Variants in PKHD1L1 observed in about 807,000 individuals in gnomAD.
PKHD1L1 encodes the protein PKHD1 like 1.
A neutral mutation model predicts 462.9 loss-of-function variants in PKHD1L1; 434 were observed. The ratio of observed to expected loss-of-function variants is 0.94; its 90% confidence interval spans 0.87 to 1.02. PKHD1L1 has a LOEUF of 1.02. Ranked by LOEUF, PKHD1L1 falls within the 50% of genes least tolerant of loss-of-function variation. PKHD1L1 has a pLI of 0.00. For missense variants in PKHD1L1, 5,202 were observed against 5,096.1 expected (o/e 1.02, Z -0.63); for synonymous variants, 1,781 against 1,750.0 (o/e 1.02, Z -0.44).
Position 109,466,726 on chromosome 8 carries a change from A to G in PKHD1L1, c.8562A>G (p.Pro2854=), listed in dbSNP as rs1204860472. ...GTTTAGCGTTCAACCAGCCTTCTCC[A>G]GTATCTCTGCTTGAAAAGGATGTGG... is the stretch of plus-strand genomic sequence containing the variant. ...FHRLAFNQPS[P]VSLLEKDVVL... Residue 2854 remains proline (P), a synonymous_variant, in exon 50 of 78, where the codon CCA becomes CCG. Transcript: ENST00000378402. The G allele has an allele frequency of 6.2e-7, 1 of 1,612,918 alleles. No individual in the cohort carries two copies. Among genetic ancestry groups the G allele is most frequent in the Non-Finnish European group, 8.5e-7 (1 of 1,179,486 alleles).
chr8:109,496,423 C>A (rs1010529698), intron 63 of PKHD1L1, among the ~76,000 whole-genome samples: 3 of 152,192 alleles, frequency 2.0e-5, no homozygotes, highest in African/African-American at 4.8e-5. Context: ...AAGCATTTCA[C>A]AGACAGTAAG....
intron 48 of PKHD1L1, among the ~76,000 whole-genome samples, chr8:109,462,215 A>G (rs772584505): frequency 3.9e-5 from 6 of 152,058 alleles, no homozygotes; most frequent in Non-Finnish European, 8.8e-5. Context: ...TCCCACCTGG[A>G]CTGCTGTGAT....
intron 21 of PKHD1L1, among the ~76,000 whole-genome samples, chr8:109,415,643 T>G (rs1814110317): frequency 1.3e-5 from 2 of 151,528 alleles, no homozygotes; most frequent in South Asian, 4.2e-4. Flanking sequence ...TGATCTTAAT[T>G]TAAAAAAAGG....
chr8:109,391,979 A>G (rs556296044), intron 9 of PKHD1L1, among the ~76,000 whole-genome samples: 35 of 152,332 alleles, frequency 2.3e-4, no homozygotes, highest in Non-Finnish European at 4.7e-4. Context: ...ATCAGAGTGG[A>G]AGATATATAA....
chr8:109,443,922 C>A lies in PKHD1L1; in HGVS notation c.4791+20C>A, dbSNP rs945093357. On this transcript the variant is annotated intron_variant, in intron 37 of 77. Transcript: ENST00000378402. ...AATAAGGTAAGAATATAAATACCTC[C>A]TTTGTACTTCTATTATATGTTCCCA... is the stretch of plus-strand genomic sequence containing the variant. The A allele has an allele frequency of 6.6e-7, 1 of 1,525,098 alleles. No homozygotes were observed. Among genetic ancestry groups the A allele is most frequent in the East Asian group, 2.3e-5 (1 of 44,346 alleles). The allele number at this position is 1,525,098 out of a possible 1,614,324, so 94.5% of individuals were successfully genotyped here. A position where few individuals can be genotyped will look rare whatever the true frequency, so the allele number is the denominator to read the frequency against.
intron 4 of PKHD1L1, among the ~76,000 whole-genome samples, chr8:109,383,433 T>A (rs1225785483): frequency 8.9e-5 from 11 of 123,152 alleles, no homozygotes; most frequent in African/African-American, 3.4e-4. Flanking sequence ...TAATATATAA[T>A]ATATAAATAT....
intron 13 of PKHD1L1, among the ~76,000 whole-genome samples, chr8:109,400,769 TAA>T (rs1296965722): frequency 1.3e-5 from 2 of 152,126 alleles, no homozygotes; most frequent in African/African-American, 4.8e-5. Flanking sequence ...TCCCTACTGA[TAA>T]GTTTTTATTT....
chr8:109,521,158 G>A (rs576108886), intron 73 of PKHD1L1, among the ~76,000 whole-genome samples: 1 of 152,174 alleles, frequency 6.6e-6, no homozygotes, highest in Non-Finnish European at 1.5e-5. Flanking sequence ...GCTTAGGACT[G>A]TGGGGTTCAT....
intron 49 of PKHD1L1, 53 bp downstream of exon 49, chr8:109,465,298 T>C (rs1817379764): frequency 6.5e-7 from 1 of 1,543,296 alleles, no homozygotes. Context: ...ATGTTTGTGT[T>C]AGCACAGAAT....
chr8:109,447,074 T>C (rs924351395), intron 38 of PKHD1L1, among the ~76,000 whole-genome samples: 16 of 151,980 alleles, frequency 1.1e-4, no homozygotes. Context: ...ATACAAAAAA[T>C]TAGCCAGGCA....
intron 45 of PKHD1L1, 83 bp from the exon 46 acceptor site, chr8:109,456,179 T>C: frequency 7.1e-7 from 1 of 1,410,348 alleles, no homozygotes; most frequent in African/African-American, 1.4e-5. Context: ...TGATTCAATT[T>C]AGGAAAAGAT....
At position 109,409,933 on chromosome 8, in the gene PKHD1L1, A is replaced by T; in HGVS notation, c.2040A>T (p.Gly680=). Residue 680 remains glycine, a synonymous_variant, in exon 19 of 78, where the codon GGA becomes GGT. Coordinates refer to ENST00000378402, the MANE Select transcript of PKHD1L1 (RefSeq NM_177531.6). ...CACAAATTGCAAATTTTGAAGAAGGATTTGTTGTGAAATATTTCAGAGACT... is the reference window on the plus strand; with the variant it reads ...CACAAATTGCAAATTTTGAAGAAGGTTTTGTTGTGAAATATTTCAGAGACT... ...CPPQIANFEE[G]FVVKYFRDYE... 1 of 1,606,564 alleles carries T rather than the reference A, an allele frequency of 6.2e-7. No individual in the cohort carries two copies. The highest frequency in any genetic ancestry group is 8.5e-7 in the Non-Finnish European group (1 of 1,176,596).
chr8:109,459,580 TCAAAA>T lies in PKHD1L1; in HGVS notation c.7005-14_7005-10del, dbSNP rs1390393324. 4 of 1,485,940 alleles carry T rather than the reference TCAAAA, an allele frequency of 2.7e-6. No homozygotes were observed. Among genetic ancestry groups the T allele is most frequent in the Admixed American group, 5.0e-5 (2 of 39,680 alleles). The allele number at this position is 1,485,940 out of a possible 1,614,324, so 92.0% of individuals were successfully genotyped here. A position where few individuals can be genotyped will look rare whatever the true frequency, so the allele number is the denominator to read the frequency against. ...TTATATTAATTTTAAAATTTTTTTG[TCAAAA>T]TTTTTACAGACACAGTCAAGGAGAG... On this transcript the variant is annotated splice_polypyrimidine_tract_variant and intron_variant, in intron 46 of 77. Transcript: ENST00000378402.
chr8:109,419,914 T>C (rs1365713633), intron 22 of PKHD1L1, among the ~76,000 whole-genome samples: 1 of 151,742 alleles, frequency 6.6e-6, no homozygotes, highest in Non-Finnish European at 1.5e-5. Flanking sequence ...TTAACTGATT[T>C]TTTTTTTTAA....
At chr8:109,377,144 A>G (rs183310102) in intron 2 of PKHD1L1, among the ~76,000 whole-genome samples, 1 of 152,348 alleles carries the variant, frequency 6.6e-6, no homozygotes, top group Admixed American at 6.5e-5. Context: ...TGCCACTTCA[A>G]GTATTATTTA....
At chr8:109,434,383 A>T (rs2130709043) in intron 28 of PKHD1L1, among the ~76,000 whole-genome samples, 1 of 152,158 alleles carries the variant, frequency 6.6e-6, no homozygotes, top group East Asian at 1.9e-4. Context: ...ACATTTCAAA[A>T]AAAAAAAAAG....
In PKHD1L1 at chr8:109,526,779, TCCAGGAAA is replaced by T; in HGVS notation, c.12485-4_12488del. The stretch of plus-strand genomic sequence containing the variant: ...ATCAAACACTATGATGCTTTTTTTT[TCCAGGAAA>T]AAATTATAAGATTGAATTTATACTG... On this transcript the variant is annotated splice_acceptor_variant and splice_polypyrimidine_tract_variant and coding_sequence_variant and intron_variant, in exon 77 of 78. Coordinates refer to ENST00000378402, the MANE Select transcript of PKHD1L1 (RefSeq NM_177531.6). LOFTEE classifies it high-confidence loss of function. 6.5e-7 allele frequency: 1 copy of T among 1,544,908 alleles called. No homozygotes were observed. The highest frequency in any genetic ancestry group is 2.0e-5 in the Admixed American group (1 of 50,360).
chr8:109,433,464 T>TC (rs1166092630), intron 28 of PKHD1L1, among the ~76,000 whole-genome samples: 1 of 152,112 alleles, frequency 6.6e-6, no homozygotes, highest in Non-Finnish European at 1.5e-5. Context: ...TTATCCTTTT[T>TC]CCCCCCTTCA....
intron 77 of PKHD1L1, among the ~76,000 whole-genome samples, chr8:109,527,397 A>C (rs1419632579): frequency 6.6e-6 from 1 of 152,130 alleles, no homozygotes; most frequent in Non-Finnish European, 1.5e-5. Flanking sequence ...CTAGCTACTC[A>C]GGTGGCTGAG....
Sources: gnomAD v4.1 joint callset for allele counts (sites outside exome capture counted in the v4.1 genomes callset) on GRCh38, gnomAD v4.1.1 for gene constraint, MANE v1.5 for transcripts, NCBI Gene and HGNC (gene_info 2026-07-23, HGNC 2026-07-21) for gene names.